Variants in CSMD2 observed in about 807,000 individuals in gnomAD.
CSMD2 encodes the protein CUB and Sushi multiple domains 2.
In CSMD2, 130 loss-of-function variants were observed where a neutral mutation model predicts 398.5. The observed-to-expected ratio is 0.33, with a 90% CI of 0.28 to 0.38. The LOEUF is 0.38. Among genes scored for constraint, CSMD2 ranks in the 10% least tolerant of loss-of-function variants. CSMD2 has a pLI of 1.00. For missense variants in CSMD2, 3,829 were observed against 4,764.9 expected, an observed-to-expected ratio of 0.80 and a Z score of 5.78; for synonymous variants, 1,828 against 1,908.5, an observed-to-expected ratio of 0.96 and a Z score of 1.10.
chr1:33,754,967 G>A (rs1276249167), intron 13 of CSMD2, among the ~76,000 whole-genome samples: 1 of 152,004 alleles, frequency 6.6e-6, no homozygotes, highest in Non-Finnish European at 1.5e-5. Flanking sequence ...AATGTTTGGG[G>A]TAGTTTCCAT....
At chr1:33,937,590 G>GA (rs1644519377) in intron 3 of CSMD2, among the ~76,000 whole-genome samples, 1 of 152,072 alleles carries the variant, frequency 6.6e-6, no homozygotes, top group East Asian at 1.9e-4. Flanking sequence ...AGAACCCTCT[G>GA]AAAAAAGGTA....
chr1:34,049,426 T>C (rs942789274), intron 2 of CSMD2, among the ~76,000 whole-genome samples: 1 of 152,206 alleles, frequency 6.6e-6, no homozygotes, highest in Non-Finnish European at 1.5e-5. Context: ...TTACGGTAGA[T>C]GACCCTGGAT....
intron 5 of CSMD2, among the ~76,000 whole-genome samples, chr1:33,880,027 G>T (rs977482344): frequency 6.6e-6 from 1 of 152,094 alleles, no homozygotes; most frequent in Non-Finnish European, 1.5e-5. Context: ...ATTTTAAAAT[G>T]AAAAACCTGA....
rs1388404064 is a variant in CSMD2 at position 33,633,427 on chromosome 1, T to C, written c.5195A>G (p.His1732Arg). The change falls in exon 32 of 71, where the codon CAT becomes CGT. Residue 1732 changes from histidine to arginine, a missense_variant. Coordinates refer to ENST00000373381, the MANE Select transcript of CSMD2 (RefSeq NM_001281956.2). The surrounding 1 kb of genome is among the most constrained non-coding windows in gnomAD (Gnocchi z 5.0). ...SRLLSSLSGS[H>R]TGESLPLATS... ...ACTGGCCGAGCCCCGGATACCTGTA[T>C]GGGAGCCCGAGAGGGAGCTGAGGAG... 7 of 1,551,050 alleles carry C rather than the reference T, an allele frequency of 4.5e-6. No individual in the cohort carries two copies. In the African/African-American group the frequency reaches 9.6e-5, roughly 21 times the overall value.
intron 3 of CSMD2, among the ~76,000 whole-genome samples, chr1:33,998,659 G>A (rs1033935118): frequency 6.6e-6 from 1 of 152,236 alleles, no homozygotes; most frequent in Non-Finnish European, 1.5e-5. Flanking sequence ...ACAGGTGAAA[G>A]AGCCTGGTGT....
chr1:33,661,888 G>A (rs914281137), intron 26 of CSMD2, among the ~76,000 whole-genome samples: 2 of 152,148 alleles, frequency 1.3e-5, no homozygotes, highest in Non-Finnish European at 2.9e-5. Flanking sequence ...CCACGGCACA[G>A]GTGCCACAAG....
chr1:33,614,657 A>G (rs1641266612), intron 39 of CSMD2, 37 bp from the exon 40 acceptor site: 1 of 1,255,348 alleles, frequency 8.0e-7, no homozygotes, highest in East Asian at 2.3e-5. Flanking sequence ...TCAGGACAAC[A>G]TCAAGGGGTG....
chr1:33,958,752 C>T (rs1220403251), intron 3 of CSMD2, among the ~76,000 whole-genome samples: 2 of 152,318 alleles, frequency 1.3e-5, no homozygotes, highest in East Asian at 3.9e-4. Flanking sequence ...TTAGCTGCCC[C>T]TGGATGACAG....
At chr1:33,978,828 A>G (rs1052926367) in intron 3 of CSMD2, among the ~76,000 whole-genome samples, 4 of 152,176 alleles carry the variant, frequency 2.6e-5, no homozygotes, top group Non-Finnish European at 4.4e-5. Context: ...TTGCATGTCT[A>G]TGATATTCCA....
At chr1:33,743,968 T>C (rs1020037645) in intron 13 of CSMD2, among the ~76,000 whole-genome samples, 3 of 152,204 alleles carry the variant, frequency 2.0e-5, no homozygotes, top group Admixed American at 2.0e-4. Context: ...CTATGTGATA[T>C]CTGTAATAGT....
At chr1:33,679,741 A>G (rs1008700721) in intron 25 of CSMD2, among the ~76,000 whole-genome samples, 15 of 152,160 alleles carry the variant, frequency 9.9e-5, no homozygotes, top group African/African-American at 3.6e-4. Context: ...GAGATGTGCT[A>G]AAGTCTCCTA....
chr1:33,935,013 T>TAAAAAAAAAAA (rs537683892), intron 4 of CSMD2, among the ~76,000 whole-genome samples: 1 of 42,256 alleles, frequency 2.4e-5, no homozygotes. Flanking sequence ...CAAATAAAAT[T>TAAAAAAAAAAA]AAAAAAAAAA....
Position 33,624,617 on chromosome 1 carries a change from G to A in CSMD2, c.5527C>T (p.Arg1843Cys), listed in dbSNP as rs1008394002. Reference sequence around the variant, plus strand: ...CCAGGGGACAGGATGGTGCCCCTGCGCTCTGTGAGGTTGCCTCCACACGGC... The same window carrying A: ...CCAGGGGACAGGATGGTGCCCCTGCACTCTGTGAGGTTGCCTCCACACGGC... ...VVPCGGNLTE[R>C]RGTILSPGFP... The change falls in exon 35 of 71, where the codon CGC becomes TGC. Residue 1843 changes from arginine to cysteine, a missense_variant. Physicochemically the swap from Arg to Cys is radical, Grantham distance 180 (BLOSUM62 -3). Coordinates refer to ENST00000373381, the MANE Select transcript of CSMD2 (RefSeq NM_001281956.2). The surrounding 1 kb of genome is among the most constrained non-coding windows in gnomAD (Gnocchi z 4.7). The A allele has an allele frequency of 3.7e-6, 6 of 1,613,754 alleles. No homozygotes were observed. The highest frequency in any genetic ancestry group is 5.1e-6 in the Non-Finnish European group (6 of 1,179,788).
chr1:34,132,819 G>C (rs1663503387), intron 1 of CSMD2, among the ~76,000 whole-genome samples: 1 of 152,118 alleles, frequency 6.6e-6, no homozygotes, highest in African/African-American at 2.4e-5. Flanking sequence ...CTTTCCTCAG[G>C]CCTTCAGACT....
intron 47 of CSMD2, among the ~76,000 whole-genome samples, chr1:33,581,231 CT>C (rs1475982868): frequency 6.6e-6 from 1 of 151,686 alleles, no homozygotes; most frequent in African/African-American, 2.4e-5. Context: ...CTTGGCCACC[CT>C]ACTTCTCTTG....
At chr1:33,752,538 T>A (rs1648401674) in intron 13 of CSMD2, among the ~76,000 whole-genome samples, 1 of 152,202 alleles carries the variant, frequency 6.6e-6, no homozygotes, top group African/African-American at 2.4e-5. Flanking sequence ...CTTTTCTTTA[T>A]AAATTACCCA....
At chr1:33,917,871 C>T (rs1373162933) in intron 5 of CSMD2, among the ~76,000 whole-genome samples, 2 of 152,208 alleles carry the variant, frequency 1.3e-5, no homozygotes, top group Non-Finnish European at 2.9e-5. Flanking sequence ...TCAGCAAGAA[C>T]ATGTTTCAAA....
chr1:33,626,731 T>C (rs1557643700), intron 32 of CSMD2, 150 bp from the exon 33 acceptor site: 2 of 590,246 alleles, frequency 3.4e-6, no homozygotes, highest in Non-Finnish European at 3.0e-6. Context: ...ATCTCACGTA[T>C]TTTTACTGCA....
At chr1:33,930,513 G>T (rs1346299377) in intron 4 of CSMD2, among the ~76,000 whole-genome samples, 1 of 152,216 alleles carries the variant, frequency 6.6e-6, no homozygotes, top group Non-Finnish European at 1.5e-5. Flanking sequence ...AGCCTGCCGT[G>T]TTTGGCTTGA....
Sources: gnomAD v4.1 joint callset for allele counts (sites outside exome capture counted in the v4.1 genomes callset) on GRCh38, gnomAD v4.1.1 for gene constraint, Gnocchi (gnomAD v3.1) non-coding constraint, MANE v1.5 for transcripts, NCBI Gene and HGNC (gene_info 2026-07-23, HGNC 2026-07-21) for gene names.